FAM222B: variants seen among roughly 807,000 people sequenced by gnomAD.
FAM222B encodes the protein family with sequence similarity 222 member B, also known as protein FAM222B.
Under a neutral mutation model 38.0 loss-of-function variants are expected in FAM222B, and 12 were observed. The observed-to-expected ratio is 0.32, with a 90% CI of 0.20 to 0.51. The LOEUF is 0.51. Ranked by LOEUF, FAM222B falls within the 20% of genes least tolerant of loss-of-function variation. FAM222B has a pLI of 0.97. For synonymous variants in FAM222B, 329 were observed against 317.2 expected, an observed-to-expected ratio of 1.04 and a Z score of -0.40; for missense variants, 716 against 754.2, an observed-to-expected ratio of 0.95 and a Z score of 0.59.
At chr17:28,844,667 A>C (rs2039132006), upstream of FAM222B, among the ~76,000 whole-genome samples, 1 of 152,152 alleles carries the variant, frequency 6.6e-6, no homozygotes, top group South Asian at 2.1e-4. Flanking sequence ...CAAAAGAAAA[A>C]AAAATTAAAA....
chr17:28,773,315 A>G (rs936731774), intron 1 of FAM222B, among the ~76,000 whole-genome samples: 16 of 149,530 alleles, frequency 1.1e-4, no homozygotes, highest in African/African-American at 3.9e-4. Context: ...CATCTCTACT[A>G]AAAAAAAATA....
chr17:28,789,927 T>C (rs1221079526), intron 1 of FAM222B, among the ~76,000 whole-genome samples: 1 of 152,188 alleles, frequency 6.6e-6, no homozygotes, highest in Non-Finnish European at 1.5e-5. Flanking sequence ...GTACACTGGG[T>C]AAAGCAGGCA....
chr17:28,828,346 T>C (rs1429265696), intron 1 of FAM222B, among the ~76,000 whole-genome samples: 2 of 151,662 alleles, frequency 1.3e-5, no homozygotes, highest in Non-Finnish European at 2.9e-5. Context: ...CCAGATCACT[T>C]GATCCCAGGA....
At chr17:28,847,055 C>G (rs1211446940), upstream of FAM222B, among the ~76,000 whole-genome samples, 1 of 151,744 alleles carries the variant, frequency 6.6e-6, no homozygotes, top group Non-Finnish European at 1.5e-5. Context: ...GAAACCCCAT[C>G]TCTACTAAAA....
chr17:28,783,713 G>A (rs1174992883), intron 1 of FAM222B, among the ~76,000 whole-genome samples: 1 of 152,094 alleles, frequency 6.6e-6, no homozygotes, highest in Non-Finnish European at 1.5e-5. Flanking sequence ...GTTTCACCAT[G>A]TTGGCCAGGC....
intron 1 of FAM222B, among the ~76,000 whole-genome samples, chr17:28,849,954 A>T (rs1460394224): frequency 6.6e-6 from 1 of 151,982 alleles, no homozygotes; most frequent in Non-Finnish European, 1.5e-5. Context: ...GTGGTGGCGC[A>T]TGCCTGTAAT....
chr17:28,794,807 T>C (rs1319464547), intron 1 of FAM222B, among the ~76,000 whole-genome samples: 1 of 151,890 alleles, frequency 6.6e-6, no homozygotes, highest in Non-Finnish European at 1.5e-5. Context: ...TAAAATAACA[T>C]ACTAGCTGGG....
intron 1 of FAM222B, among the ~76,000 whole-genome samples, chr17:28,770,808 G>A (rs1255187958): frequency 6.6e-6 from 1 of 151,908 alleles, no homozygotes; most frequent in African/African-American, 2.4e-5. Context: ...CTGACCCCGT[G>A]ATCTGCCCGC....
At chr17:28,792,552 G>A (rs1433771274) in intron 1 of FAM222B, among the ~76,000 whole-genome samples, 3 of 151,800 alleles carry the variant, frequency 2.0e-5, no homozygotes, top group South Asian at 2.1e-4. Context: ...AGGGTGAGTC[G>A]GGTGGATCAC....
At chr17:28,812,599 C>T (rs901379717) in intron 1 of FAM222B, among the ~76,000 whole-genome samples, 4 of 152,188 alleles carry the variant, frequency 2.6e-5, no homozygotes, top group Admixed American at 6.5e-5. Context: ...GGTCAGCCAC[C>T]GGGATAGGCC....
chr17:28,773,725 A>G (rs2035750949), intron 1 of FAM222B, among the ~76,000 whole-genome samples: 1 of 151,776 alleles, frequency 6.6e-6, no homozygotes. Flanking sequence ...CTGGGTCCAG[A>G]AGGCGGAGGT....
chr17:28,820,661 T>G (rs2038179245), intron 1 of FAM222B, among the ~76,000 whole-genome samples: 1 of 151,472 alleles, frequency 6.6e-6, no homozygotes, highest in Non-Finnish European at 1.5e-5. Context: ...TGAGGCGAAG[T>G]CTCGCTCTGT....
intron 1 of FAM222B, among the ~76,000 whole-genome samples, chr17:28,774,892 A>G (rs2035808840): frequency 6.6e-6 from 1 of 151,822 alleles, no homozygotes; most frequent in Admixed American, 6.6e-5. Flanking sequence ...CAGTGAGCTG[A>G]GATGGCACCA....
chr17:28,785,345 T>A (rs536061478), intron 1 of FAM222B, among the ~76,000 whole-genome samples: 37 of 152,242 alleles, frequency 2.4e-4, no homozygotes, highest in Non-Finnish European at 5.0e-4. Flanking sequence ...ATATTCTATG[T>A]GTGTGTTTAC....
At chr17:28,839,139 G>A (rs368926900) in intron 1 of FAM222B, among the ~76,000 whole-genome samples, 30 of 151,980 alleles carry the variant, frequency 2.0e-4, no homozygotes, top group South Asian at 8.3e-4. Flanking sequence ...CCCGGGAGGC[G>A]GAGCTTGCAG....
At chr17:28,841,466 C>T (rs1381692823) in intron 1 of FAM222B, among the ~76,000 whole-genome samples, 1 of 152,116 alleles carries the variant, frequency 6.6e-6, no homozygotes, top group Non-Finnish European at 1.5e-5. Flanking sequence ...CCTCTGCCTC[C>T]CGGGTTCGAG....
intron 1 of FAM222B, among the ~76,000 whole-genome samples, chr17:28,801,312 G>C (rs1300016637): frequency 4.0e-5 from 6 of 151,634 alleles, no homozygotes; most frequent in Non-Finnish European, 7.4e-5. Context: ...AATTAGCCGG[G>C]CGATGTGGCG....
intron 1 of FAM222B, among the ~76,000 whole-genome samples, chr17:28,834,481 T>C (rs918733235): frequency 2.6e-5 from 4 of 151,704 alleles, no homozygotes; most frequent in Middle Eastern, 3.4e-3. Context: ...TCTGTATCTT[T>C]GTACAAGCTA....
At chr17:28,840,536 C>G (rs1286087634) in intron 1 of FAM222B, among the ~76,000 whole-genome samples, 1 of 152,118 alleles carries the variant, frequency 6.6e-6, no homozygotes, top group African/African-American at 2.4e-5. Flanking sequence ...AGAGATCCCA[C>G]TGACAAGCAG....
Sources: allele counts gnomAD v4.1 joint callset (sites outside exome capture counted in the v4.1 genomes callset), GRCh38; gene constraint gnomAD v4.1.1; transcripts MANE v1.5; gene names NCBI Gene and HGNC (gene_info 2026-07-23, HGNC 2026-07-21).